ARHGAP39: variants seen among roughly 807,000 people sequenced by gnomAD.
ARHGAP39 encodes Rho GTPase activating protein 39, also known as rho GTPase-activating protein 39.
In ARHGAP39, 44 loss-of-function variants were observed where a neutral mutation model predicts 106.9. The ratio of observed to expected loss-of-function variants is 0.41; its 90% CI spans 0.32 to 0.53. The LOEUF is 0.53. Ranked by LOEUF, ARHGAP39 falls within the 20% of genes least tolerant of loss-of-function variation. The probability of loss-of-function intolerance (pLI) is 0.21; values close to 1 mark genes in which losing one functional copy is unlikely to be tolerated. For synonymous variants in ARHGAP39, 768 were observed against 693.2 expected (o/e 1.11, Z -1.69); for missense variants, 1,496 against 1,577.3 (o/e 0.95, Z 0.87).
At chr8:144,690,633 T>G (rs1822723536), upstream of ARHGAP39, among the ~76,000 whole-genome samples, 1 of 151,880 alleles carries the variant, frequency 6.6e-6, no homozygotes, top group Non-Finnish European at 1.5e-5. Context: ...TCTGTTCACA[T>G]CTTTTGCCTG....
In ARHGAP39 at chr8:144,644,709, C is replaced by T. The variant is rs1382604339; in HGVS notation, c.-81-39014G>A. On this transcript the variant is annotated intron_variant, in intron 1 of 11. Transcript: ENST00000377307. The surrounding 1 kb of genome is among the most constrained non-coding windows in gnomAD (Gnocchi z 4.8). ...CAGTCTGCAGGACTTCATCATCAACCCAGGCCAAACCACGTCCCTGTCCGT... is the reference window on the plus strand; with the variant it reads ...CAGTCTGCAGGACTTCATCATCAACTCAGGCCAAACCACGTCCCTGTCCGT... Among the ~76,000 whole-genome samples, 1 of 152,196 alleles carries T rather than the reference C, an allele frequency of 6.6e-6. No homozygotes were observed. The highest frequency in any genetic ancestry group is 1.5e-5 in the Non-Finnish European group (1 of 68,042).
intron 3 of ARHGAP39, among the ~76,000 whole-genome samples, chr8:144,580,055 C>T (rs1183411389): frequency 1.3e-5 from 2 of 152,152 alleles, no homozygotes; most frequent in Non-Finnish European, 2.9e-5. Context: ...CCGCCTGCCT[C>T]GGCTCTTCCC....
chr8:144,621,704 G>A (rs1364774966), intron 1 of ARHGAP39, among the ~76,000 whole-genome samples: 2 of 152,218 alleles, frequency 1.3e-5, no homozygotes, highest in Admixed American at 1.3e-4. Flanking sequence ...CATAGTCCCA[G>A]CTACTCAGGA....
Position 144,663,496 on chromosome 8 carries a change from G to A in ARHGAP39, c.-82+22190C>T, listed in dbSNP as rs139015026. ...GAGGGAGCCACCCCATGTCTCCAAC[G>A]CCTCTCACCAGGCCCCACCTCCAAC... On this transcript the variant is annotated intron_variant, in intron 1 of 11. Transcript: ENST00000377307. 3.0e-3 allele frequency among the ~76,000 whole-genome samples: 453 copies of A among 152,232 alleles called. 3 individuals carry two copies. The highest frequency in any genetic ancestry group is 3.8e-3 in the Non-Finnish European group (256 of 68,012).
chr8:144,671,589 C>T lies in ARHGAP39; in HGVS notation c.-82+14097G>A, dbSNP rs911323604. Among the ~76,000 whole-genome samples, 3 of 152,230 alleles carry T rather than the reference C, an allele frequency of 2.0e-5. No individual in the cohort carries two copies. Among genetic ancestry groups the T allele is most frequent in the Non-Finnish European group, 2.9e-5 (2 of 68,040 alleles). On this transcript the variant is annotated intron_variant, in intron 1 of 11. Transcript: ENST00000377307. This position sits in a 1 kb window ranked among gnomAD's most constrained non-coding sequence, Gnocchi z 4.5. ...GCCGGCTCCGGCCACACATCCCTCC[C>T]GCCTGAGGCTCTTTCTGTGCCTGGT...
At chr8:144,565,504 T>C (rs1425001421) in intron 3 of ARHGAP39, among the ~76,000 whole-genome samples, 2 of 151,640 alleles carry the variant, frequency 1.3e-5, no homozygotes, top group Non-Finnish European at 2.9e-5. Context: ...GACTGGGCAA[T>C]GTGGCGAAAC....
Position 144,547,079 on chromosome 8 carries a change from G to A in ARHGAP39, c.1959+48C>T. On this transcript the variant is annotated intron_variant, in intron 5 of 11. Coordinates refer to ENST00000377307, the MANE Select transcript of ARHGAP39 (RefSeq NM_025251.3). The surrounding 1 kb of genome is among the most constrained non-coding windows in gnomAD (Gnocchi z 5.2). ...CTGGCCCACGGGGTCCACTCTGACT[G>A]GGCTGGCCCCAGGCTCTCAAGCTCA... 1 of 1,507,320 alleles carries A rather than the reference G, an allele frequency of 6.6e-7. No homozygotes were observed. Among genetic ancestry groups the A allele is most frequent in the Non-Finnish European group, 8.9e-7 (1 of 1,128,126 alleles). The allele number at this position is 1,507,320 out of a possible 1,614,324, so 93.4% of individuals were successfully genotyped here.
chr8:144,533,619 CAG>C (rs1003886848), intron 8 of ARHGAP39, among the ~76,000 whole-genome samples: 3 of 152,210 alleles, frequency 2.0e-5, no homozygotes, highest in African/African-American at 7.2e-5. Flanking sequence ...GCTCCCTGGC[CAG>C]AGTCACCGTC....
intron 1 of ARHGAP39, among the ~76,000 whole-genome samples, chr8:144,685,108 C>T (rs913197708): frequency 1.3e-5 from 2 of 151,416 alleles, no homozygotes; most frequent in Non-Finnish European, 3.0e-5. Flanking sequence ...ACACCCCCCT[C>T]GGGCAGGGGC....
Position 144,547,089 on chromosome 8 carries a change from C to G in ARHGAP39, c.1959+38G>C, listed in dbSNP as rs1817459384. On this transcript the variant is annotated intron_variant, in intron 5 of 11. Coordinates refer to ENST00000377307, the MANE Select transcript of ARHGAP39 (RefSeq NM_025251.3). The surrounding 1 kb of genome is among the most constrained non-coding windows in gnomAD (Gnocchi z 5.2). The stretch of plus-strand genomic sequence containing the variant: ...GGGTCCACTCTGACTGGGCTGGCCC[C>G]AGGCTCTCAAGCTCAGCCGCGCCCA... 1 of 1,522,332 alleles carries G rather than the reference C, an allele frequency of 6.6e-7. No individual in the cohort carries two copies. The highest frequency in any genetic ancestry group is 8.8e-7 in the Non-Finnish European group (1 of 1,135,586). The allele number at this position is 1,522,332 out of a possible 1,614,324, so 94.3% of individuals were successfully genotyped here.
Position 144,601,694 on chromosome 8 carries a change from ATG to A in ARHGAP39, c.80+3839_80+3840del, listed in dbSNP as rs534953568. Among the ~76,000 whole-genome samples, 206 of 104,182 alleles carry A rather than the reference ATG, an allele frequency of 2.0e-3. 1 individual carries two copies. The highest frequency in any genetic ancestry group is 0.01 in the Middle Eastern group (1 of 98). 68.3% of individuals were successfully genotyped at this position (104,182 alleles called of 152,430 possible). A position where few individuals can be genotyped will look rare whatever the true frequency, so the allele number is the denominator to read the frequency against. ...CGTGCGAGCTCATGTACCTGTGTGCATGTGTGTGGTGTGTGTGTGAGCTCATG... is the reference window on the plus strand; with the variant it reads ...CGTGCGAGCTCATGTACCTGTGTGCATGTGTGGTGTGTGTGTGAGCTCATG... On this transcript the variant is annotated intron_variant, in intron 2 of 11. Transcript: ENST00000377307.
the ARHGAP39 span, among the ~76,000 whole-genome samples, chr8:144,696,420 G>A: frequency 1.3e-5 from 2 of 152,134 alleles, no homozygotes. Flanking sequence ...ATTACAGGGT[G>A]AGCCACCGCA....
chr8:144,530,651 G>GGGGT, intron 11 of ARHGAP39, 35 bp from the exon 12 acceptor site: 1 of 1,529,932 alleles, frequency 6.5e-7, no homozygotes, highest in East Asian at 2.5e-5. Context: ...CGGAGGGGCG[G>GGGGT]GGGCGGGGCG....
chr8:144,571,668 G>C (rs1269391065), intron 3 of ARHGAP39, among the ~76,000 whole-genome samples: 2 of 152,100 alleles, frequency 1.3e-5, no homozygotes, highest in Admixed American at 6.5e-5. Flanking sequence ...AGAAATAAAG[G>C]GTATTCAATT....
intron 1 of ARHGAP39, among the ~76,000 whole-genome samples, chr8:144,612,083 C>T (rs1045284119): frequency 6.6e-5 from 10 of 152,196 alleles, no homozygotes; most frequent in Admixed American, 1.3e-4. Flanking sequence ...CAGTGAGCCA[C>T]GGCTGCACCA....
rs377014740 is a variant in ARHGAP39, at chr8:144,632,592, G to A, written c.-81-26897C>T. Among the ~76,000 whole-genome samples, 4 of 152,346 alleles carry A rather than the reference G, an allele frequency of 2.6e-5. No individual in the cohort carries two copies. The East Asian group carries it at 7.7e-4, about 29-fold the overall frequency. Reference sequence around the variant, plus strand: ...TCAGTCCCCTGCCCCAGGGGTTCTGGTGGGCTCATGGGCAGTTGCCTCACC... The same window carrying A: ...TCAGTCCCCTGCCCCAGGGGTTCTGATGGGCTCATGGGCAGTTGCCTCACC... On this transcript the variant is annotated intron_variant, in intron 1 of 11. Coordinates refer to ENST00000377307, the MANE Select transcript of ARHGAP39 (RefSeq NM_025251.3).
Position 144,644,699 on chromosome 8 carries a change from C to T in ARHGAP39, c.-81-39004G>A, listed in dbSNP as rs1821400029. ...GGGAGCAGTGCAGTCTGCAGGACTT[C>T]ATCATCAACCCAGGCCAAACCACGT... On this transcript the variant is annotated intron_variant, in intron 1 of 11. Transcript: ENST00000377307. This position sits in a 1 kb window ranked among gnomAD's most constrained non-coding sequence, Gnocchi z 4.8. 6.6e-6 allele frequency among the ~76,000 whole-genome samples: 1 copy of T among 152,240 alleles called. No individual in the cohort carries two copies. The highest frequency in any genetic ancestry group is 2.4e-5 in the African/African-American group (1 of 41,466).
intron 1 of ARHGAP39, among the ~76,000 whole-genome samples, chr8:144,664,650 G>A (rs1586645763): frequency 6.6e-6 from 1 of 152,184 alleles, no homozygotes; most frequent in Non-Finnish European, 1.5e-5. Context: ...TCTTTCCTGT[G>A]TTATTCTCGC....
intron 1 of ARHGAP39, among the ~76,000 whole-genome samples, chr8:144,660,240 CTGAA>C (rs1821790264): frequency 6.6e-6 from 1 of 152,184 alleles, no homozygotes; most frequent in African/African-American, 2.4e-5. Context: ...TCCCACAAGC[CTGAA>C]TGGTCTCTCA....
Sources: gnomAD v4.1 joint callset for allele counts (sites outside exome capture counted in the v4.1 genomes callset) on GRCh38, gnomAD v4.1.1 for gene constraint, Gnocchi (gnomAD v3.1) non-coding constraint, MANE v1.5 for transcripts, NCBI Gene and HGNC (gene_info 2026-07-23, HGNC 2026-07-21) for gene names.